Variants in TRPM6 observed in about 807,000 individuals in gnomAD.
The protein encoded by TRPM6 is channel kinase 2.
In TRPM6, 111 loss-of-function variants were observed where a neutral mutation model predicts 247.6. That is an observed-to-expected ratio of 0.45 (90% CI 0.38 to 0.52). TRPM6 has a LOEUF of 0.52. Among genes scored for constraint, TRPM6 ranks in the 20% least tolerant of loss-of-function variants. The pLI, the probability that TRPM6 is intolerant of heterozygous loss-of-function variation, is 0.00. For missense variants in TRPM6, 2,126 were observed against 2,421.5 expected, an observed-to-expected ratio of 0.88 and a Z score of 2.56; for synonymous variants, 892 against 853.8, an observed-to-expected ratio of 1.04 and a Z score of -0.78.
chr9:74,866,169 A>T, intron 1 of TRPM6, among the ~76,000 whole-genome samples: 2 of 152,360 alleles, frequency 1.3e-5, no homozygotes, highest in Middle Eastern at 3.4e-3. Context: ...AACATTTTTA[A>T]AAAGAAGTTA....
intron 19 of TRPM6, among the ~76,000 whole-genome samples, chr9:74,789,818 A>T (rs56263850): frequency 6.6e-6 from 1 of 151,746 alleles, no homozygotes; most frequent in Non-Finnish European, 1.5e-5. Context: ...AAAATTAGCT[A>T]GGCATGGTGG....
At position 74,744,081 on chromosome 9, in the gene TRPM6, C is replaced by G; in HGVS notation, c.5134+14G>C. ...TTAGCTCAGCTGACATGTCTATGTG[C>G]ATATGCATCCTACCTGAATAATGAT... On this transcript the variant is annotated intron_variant, in intron 32 of 38. Coordinates refer to ENST00000360774, the MANE Select transcript of TRPM6 (RefSeq NM_017662.5). 1 of 1,613,344 alleles carries G rather than the reference C, an allele frequency of 6.2e-7. No individual in the cohort carries two copies. Among genetic ancestry groups the G allele is most frequent in the Non-Finnish European group, 8.5e-7 (1 of 1,179,318 alleles).
At chr9:74,752,707 C>T (rs908080433) in intron 28 of TRPM6, among the ~76,000 whole-genome samples, 2 of 152,206 alleles carry the variant, frequency 1.3e-5, no homozygotes, top group African/African-American at 4.8e-5. Context: ...CACACTATTG[C>T]ACATGCTTTA....
In TRPM6 at chr9:74,810,856, T is replaced by C. The variant is rs1828704953; in HGVS notation, c.1456A>G (p.Thr486Ala). The change falls in exon 13 of 39, where the codon ACT (threonine) becomes GCT (alanine). Residue 486 changes from threonine to alanine, a missense_variant. By Grantham distance (58) the Thr-to-Ala change is moderately conservative. Coordinates refer to ENST00000360774, the MANE Select transcript of TRPM6 (RefSeq NM_017662.5). ...ACGAGATGATGCAAGAGTGTATTAGTAGGTCCTTGTTTCTGAAATAAAGAA... is the reference window on the plus strand; with the variant it reads ...ACGAGATGATGCAAGAGTGTATTAGCAGGTCCTTGTTTCTGAAATAAAGAA... ...EELYNTKQGPTNTLLHHLVQD... is the reference protein window; with the variant it reads ...EELYNTKQGPANTLLHHLVQD... 2 of 1,613,534 alleles carry C rather than the reference T, an allele frequency of 1.2e-6. No individual in the cohort carries two copies. Among genetic ancestry groups the C allele is most frequent in the Admixed American group, 1.7e-5 (1 of 59,988 alleles).
chr9:74,788,560 A>G (rs1827776260), intron 20 of TRPM6, 54 bp downstream of exon 20: 1 of 1,607,782 alleles, frequency 6.2e-7, no homozygotes, highest in African/African-American at 1.3e-5. Context: ...TTCAGTGGAC[A>G]CCTACAGAAG....
rs960126949 is a variant in TRPM6 at position 74,830,771 on chromosome 9, T to G, written c.670-2822A>C. 2.8e-5 allele frequency among the ~76,000 whole-genome samples: 4 copies of G among 142,138 alleles called. 1 individual carries two copies. The highest frequency in any genetic ancestry group is 1.5e-5 in the Non-Finnish European group (1 of 65,980). The allele number at this position is 142,138 out of a possible 152,430, so 93.2% of individuals were successfully genotyped here. A position where few individuals can be genotyped will look rare whatever the true frequency, so the allele number is the denominator to read the frequency against. On this transcript the variant is annotated intron_variant, in intron 6 of 38. Coordinates refer to ENST00000360774, the MANE Select transcript of TRPM6 (RefSeq NM_017662.5). The stretch of plus-strand genomic sequence containing the variant: ...TTTGTTTTTTTTTTTTTTTTTTTTT[T>G]TTTTTTTGTAGACAAGGGTTTCACC...
rs36103454 is a variant in TRPM6, at chr9:74,865,073, CAA to C, written c.34-6327_34-6326del. 4.2e-3 allele frequency among the ~76,000 whole-genome samples: 515 copies of C among 123,086 alleles called. 4 individuals are homozygous for C. Among genetic ancestry groups the C allele is most frequent in the African/African-American group, 0.011 (378 of 33,048 alleles). 80.7% of individuals were successfully genotyped at this position (123,086 alleles called of 152,430 possible). Reference sequence around the variant, plus strand: ...GGGCAATGAGAGAGAAATTCCCTCTCAAAAAAAAAAAAAAAATGGAACGTCAG... The same window carrying C: ...GGGCAATGAGAGAGAAATTCCCTCTCAAAAAAAAAAAAAATGGAACGTCAG... On this transcript the variant is annotated intron_variant, in intron 1 of 38. Coordinates refer to ENST00000360774, the MANE Select transcript of TRPM6 (RefSeq NM_017662.5).
chr9:74,787,719 T>G (rs111849711), intron 20 of TRPM6, among the ~76,000 whole-genome samples: 1,805 of 152,278 alleles, frequency 0.012, 30 homozygotes, highest in African/African-American at 0.04. Flanking sequence ...TTTGGTTTTG[T>G]TTTTGTTTTT....
At chr9:74,766,278 T>A (rs1319636409) in intron 25 of TRPM6, among the ~76,000 whole-genome samples, 1 of 152,230 alleles carries the variant, frequency 6.6e-6, no homozygotes, top group Non-Finnish European at 1.5e-5. Flanking sequence ...AAACTTGATG[T>A]CCCGTGAAAC....
At chr9:74,796,680 T>C (rs946666369) in intron 18 of TRPM6, 61 bp downstream of exon 18, 8 of 1,541,798 alleles carry the variant, frequency 5.2e-6, no homozygotes, top group Middle Eastern at 1.7e-4. Flanking sequence ...ACTTTAAGGA[T>C]GTGTATATTT....
intron 9 of TRPM6, among the ~76,000 whole-genome samples, chr9:74,817,471 G>A (rs772803509): frequency 2.0e-5 from 3 of 152,134 alleles, no homozygotes; most frequent in Non-Finnish European, 4.4e-5. Flanking sequence ...GATTACAGGC[G>A]AGTCACCACG....
At chr9:74,749,592 C>A (rs1019712842) in intron 30 of TRPM6, among the ~76,000 whole-genome samples, 1 of 152,218 alleles carries the variant, frequency 6.6e-6, no homozygotes. Flanking sequence ...TGTTCACAGG[C>A]TGAAATTAGT....
chr9:74,766,896 G>A lies in TRPM6; in HGVS notation c.3537-3762C>T, dbSNP rs1826845228. 2.0e-5 allele frequency among the ~76,000 whole-genome samples: 3 copies of A among 152,018 alleles called. No homozygotes were observed. In the South Asian group the frequency reaches 6.2e-4, roughly 32 times the overall value. ...TTGCACTCCAGCCTAGGCAACAAGA[G>A]CGAAACTCCGTCTCAAAAAAAAAGA... is the stretch of plus-strand genomic sequence containing the variant. On this transcript the variant is annotated intron_variant, in intron 25 of 38. Transcript: ENST00000360774.
At chr9:74,787,676 T>C (rs1308665950) in intron 20 of TRPM6, among the ~76,000 whole-genome samples, 1 of 152,216 alleles carries the variant, frequency 6.6e-6, no homozygotes, top group Non-Finnish European at 1.5e-5. Context: ...CAAATATTTA[T>C]GATTACAGTT....
At chr9:74,829,209 T>C (rs1191180294) in intron 6 of TRPM6, among the ~76,000 whole-genome samples, 1 of 152,042 alleles carries the variant, frequency 6.6e-6, no homozygotes, top group East Asian at 1.9e-4. Context: ...CAAGAATCAC[T>C]TGAACCTGGG....
chr9:74,808,285 T>C, intron 13 of TRPM6, 111 bp from the exon 14 acceptor site: 4 of 1,322,274 alleles, frequency 3.0e-6, no homozygotes, highest in Non-Finnish European at 4.3e-6. Flanking sequence ...ACATACCTTT[T>C]AAATATCTTT....
intron 4 of TRPM6, among the ~76,000 whole-genome samples, chr9:74,840,785 C>T (rs570637786): frequency 1.2e-3 from 182 of 146,068 alleles, no homozygotes; most frequent in African/African-American, 4.4e-3. Context: ...CATCCACTCA[C>T]GCCACTGCAC....
intron 27 of TRPM6, among the ~76,000 whole-genome samples, chr9:74,756,242 A>G (rs1303873313): frequency 6.6e-6 from 1 of 152,044 alleles, no homozygotes; most frequent in Non-Finnish European, 1.5e-5. Context: ...TCTCCCCTAA[A>G]AGGTTCTTTT....
intron 25 of TRPM6, among the ~76,000 whole-genome samples, chr9:74,765,850 AT>A (rs1381514539): frequency 6.6e-6 from 1 of 152,144 alleles, no homozygotes; most frequent in African/African-American, 2.4e-5. Flanking sequence ...GGCACCTTCC[AT>A]TTTTATTATA....
Sources: gnomAD v4.1 joint callset for allele counts (sites outside exome capture counted in the v4.1 genomes callset) on GRCh38, gnomAD v4.1.1 for gene constraint, MANE v1.5 for transcripts, NCBI Gene and HGNC (gene_info 2026-07-23, HGNC 2026-07-21) for gene names.